The following SRRM3 variants were observed in gnomAD, a reference collection of about 807,000 sequenced individuals.
SRRM3 encodes serine/arginine repetitive matrix protein 3.
Under a neutral mutation model 66.2 loss-of-function variants are expected in SRRM3, and 27 were observed. The observed-to-expected ratio is 0.41, with a 90% CI of 0.30 to 0.56. The LOEUF (loss-of-function observed/expected upper bound fraction) is 0.56. Ranked by LOEUF, SRRM3 falls within the 20% of genes least tolerant of loss-of-function variation. The pLI is 0.32. For missense variants in SRRM3, 918 were observed against 991.9 expected (o/e 0.93, Z 1.00); for synonymous variants, 391 against 414.9 (o/e 0.94, Z 0.70).
chr7:76,264,551 G>A (rs782744106), intron 8 of SRRM3, among the ~76,000 whole-genome samples: 2 of 152,166 alleles, frequency 1.3e-5, no homozygotes, highest in Non-Finnish European at 2.9e-5. Flanking sequence ...AGGTGTTCAC[G>A]GGCCAGGACT....
intron 1 of SRRM3, among the ~76,000 whole-genome samples, chr7:76,234,695 G>A (rs1801097431): frequency 6.6e-6 from 1 of 152,150 alleles, no homozygotes; most frequent in African/African-American, 2.4e-5. Flanking sequence ...GCGCTGGGAT[G>A]TCTGGCCCAA....
intron 2 of SRRM3, among the ~76,000 whole-genome samples, chr7:76,243,647 C>T (rs1296537851): frequency 6.6e-6 from 1 of 152,172 alleles, no homozygotes; most frequent in Admixed American, 6.6e-5. Flanking sequence ...GGGCTTGGAT[C>T]CTGGCCTGAA....
At chr7:76,270,602 A>G (rs1046755091) in intron 11 of SRRM3, among the ~76,000 whole-genome samples, 2 of 151,954 alleles carry the variant, frequency 1.3e-5, no homozygotes, top group Non-Finnish European at 2.9e-5. Flanking sequence ...ACCTGAGGTC[A>G]GGAGTTCGAG....
In SRRM3 at chr7:76,235,304, G is replaced by T; in HGVS notation, c.233+5G>T. The stretch of plus-strand genomic sequence containing the variant: ...GGAGATGATGGAGGAGCAGGGGTGA[G>T]CAGGCCGCGGGGCGGGACTGGGGTG... On this transcript the variant is annotated splice_donor_5th_base_variant and intron_variant, in intron 2 of 14. Coordinates refer to ENST00000611745, the MANE Select transcript of SRRM3 (RefSeq NM_001110199.3). 3.3e-6 allele frequency: 5 copies of T among 1,501,230 alleles called. No individual in the cohort carries two copies. In the South Asian group the frequency reaches 3.7e-5, roughly 11 times the overall value. The allele number at this position is 1,501,230 out of a possible 1,614,324, so 93.0% of individuals were successfully genotyped here.
At chr7:76,283,903 G>A (rs1328694051) in intron 14 of SRRM3, 2 of 932,614 alleles carry the variant, frequency 2.1e-6, no homozygotes, top group Admixed American at 6.2e-5. Flanking sequence ...GGGTTGGGGG[G>A]AACACAGGCA....
chr7:76,229,741 C>CTTTTTTTTTTTTTT (rs869140956), intron 1 of SRRM3, among the ~76,000 whole-genome samples: 1 of 133,104 alleles, frequency 7.5e-6, no homozygotes, highest in Non-Finnish European at 1.6e-5. Flanking sequence ...TCTTCTTCTT[C>CTTTTTTTTTTTTTT]TTTTTTTTTT....
intron 3 of SRRM3, among the ~76,000 whole-genome samples, chr7:76,256,085 C>A (rs1801705365): frequency 6.6e-6 from 1 of 152,150 alleles, no homozygotes; most frequent in Non-Finnish European, 1.5e-5. Flanking sequence ...CTCTGTGAAT[C>A]TGTTACAGGA....
chr7:76,220,903 G>A (rs1039938224), intron 1 of SRRM3, among the ~76,000 whole-genome samples: 6 of 152,034 alleles, frequency 3.9e-5, no homozygotes, highest in Admixed American at 2.0e-4. Flanking sequence ...TCCCCCCACC[G>A]CGTCTTCTGG....
intron 2 of SRRM3, 82 bp from the exon 3 acceptor site, chr7:76,248,106 C>A: frequency 9.2e-7 from 1 of 1,087,926 alleles, no homozygotes; most frequent in Non-Finnish European, 1.4e-6. Context: ...CAGGGGTTGG[C>A]GGGGCTGGGC....
intron 1 of SRRM3, among the ~76,000 whole-genome samples, chr7:76,208,818 G>A (rs1554601394): frequency 7.2e-6 from 1 of 139,470 alleles, no homozygotes; most frequent in Non-Finnish European, 1.6e-5. Context: ...CTGAGTGAGT[G>A]TAGAGCAAGA....
intron 2 of SRRM3, among the ~76,000 whole-genome samples, chr7:76,245,947 C>A (rs1233140420): frequency 6.6e-6 from 1 of 152,100 alleles, no homozygotes; most frequent in African/African-American, 2.4e-5. Flanking sequence ...ATCTGCCCAC[C>A]TCAGCCTCCC....
intron 3 of SRRM3, among the ~76,000 whole-genome samples, chr7:76,249,590 G>A (rs1299442437): frequency 6.6e-6 from 1 of 152,220 alleles, no homozygotes; most frequent in Non-Finnish European, 1.5e-5. Flanking sequence ...TTATGAGGGT[G>A]GGAACAGCCT....
chr7:76,220,587 T>C (rs1371270930), intron 1 of SRRM3, among the ~76,000 whole-genome samples: 6 of 152,208 alleles, frequency 3.9e-5, no homozygotes, highest in South Asian at 2.1e-4. Flanking sequence ...GCCACCTCCA[T>C]TGCCCAGCAC....
chr7:76,211,816 C>CTATTATTATTATTAT (rs60646233), intron 1 of SRRM3, among the ~76,000 whole-genome samples: 1 of 140,646 alleles, frequency 7.1e-6, no homozygotes, highest in Non-Finnish European at 1.5e-5. Context: ...ACTATTACTA[C>CTATTATTATTATTAT]TATTATTATT....
At chr7:76,227,151 A>G (rs1352878936) in intron 1 of SRRM3, among the ~76,000 whole-genome samples, 5 of 135,680 alleles carry the variant, frequency 3.7e-5, no homozygotes, top group African/African-American at 1.4e-4. Context: ...TGCTGCTCTC[A>G]GCCAATCAGT....
In SRRM3 at chr7:76,235,295, C is replaced by A; in HGVS notation, c.229C>A (p.Gln77Lys). Residue 77 changes from glutamine (Q) to lysine (K), a missense_variant, in exon 2 of 15, where the codon CAG becomes AAG. Coordinates refer to ENST00000611745, the MANE Select transcript of SRRM3 (RefSeq NM_001110199.3). ...CMELQEMMEE[Q>K]GYSEEEIRQK... ...GGAGCTGCAGGAGATGATGGAGGAG[C>A]AGGGGTGAGCAGGCCGCGGGGCGGG... 1 of 1,506,398 alleles carries A rather than the reference C, an allele frequency of 6.6e-7. No individual in the cohort carries two copies. Among genetic ancestry groups the A allele is most frequent in the Non-Finnish European group, 8.8e-7 (1 of 1,131,108 alleles). 93.3% of individuals were successfully genotyped at this position (1,506,398 alleles called of 1,614,324 possible).
intron 2 of SRRM3, 117 bp downstream of exon 2, chr7:76,235,416 TA>T (rs1554604761): frequency 8.9e-6 from 8 of 899,532 alleles, no homozygotes; most frequent in Admixed American, 3.0e-5. Context: ...AGGGCGGGGC[TA>T]GGGGCTATTA....
chr7:76,216,476 C>T (rs1800574265), intron 1 of SRRM3, among the ~76,000 whole-genome samples: 1 of 152,198 alleles, frequency 6.6e-6, no homozygotes, highest in African/African-American at 2.4e-5. Context: ...CCACTGAGTC[C>T]TTGAGGGTCC....
intron 3 of SRRM3, among the ~76,000 whole-genome samples, chr7:76,257,394 A>G (rs1452611869): frequency 1.5e-5 from 2 of 130,444 alleles, no homozygotes; most frequent in Non-Finnish European, 3.2e-5. Context: ...GGTCGGGGCC[A>G]CCCCCCTAGA....
Sources: allele counts gnomAD v4.1 joint callset (sites outside exome capture counted in the v4.1 genomes callset), GRCh38; gene constraint gnomAD v4.1.1; transcripts MANE v1.5; gene names NCBI Gene and HGNC (gene_info 2026-07-23, HGNC 2026-07-21).